The following CAPN3 variants were observed in gnomAD, a reference collection of about 807,000 sequenced individuals.
CAPN3 encodes calpain 3, also known as calpain-3.
A neutral mutation model predicts 114.0 loss-of-function variants in CAPN3; 88 were observed. The observed-to-expected ratio is 0.77, with a 90% confidence interval of 0.65 to 0.92. The LOEUF is 0.92. CAPN3 is among the 40% of genes least tolerant of loss of function. CAPN3 has a pLI of 0.00. For missense variants in CAPN3, 1,028 were observed against 1,069.0 expected (o/e 0.96, Z 0.53); for synonymous variants, 386 against 382.9 (o/e 1.01, Z -0.09).
At chr15:42,392,538 C>T in intron 6 of CAPN3, 101 bp from the exon 7 acceptor site, 1 of 893,736 alleles carries the variant, frequency 1.1e-6, no homozygotes, top group South Asian at 1.4e-5. Context: ...TGGTCTGTGT[C>T]TTCACAGAGC....
chr15:42,385,443 C>A (rs1413067798), intron 2 of CAPN3, among the ~76,000 whole-genome samples: 4 of 152,040 alleles, frequency 2.6e-5, no homozygotes, highest in African/African-American at 9.7e-5. Context: ...CCCCTGCACA[C>A]TCTCAGTTGC....
At position 42,404,040 on chromosome 15, in the gene CAPN3, C is replaced by CA. The variant is rs111814065; in HGVS notation, c.1782+263_1782+264insA. 5.1e-6 allele frequency: 3 copies of CA among 586,932 alleles called. No individual in the cohort carries two copies. In the African/African-American group the frequency reaches 5.5e-5, roughly 11 times the overall value. The allele number at this position is 586,932 out of a possible 1,614,324, so 36.4% of individuals were successfully genotyped here. On this transcript the variant is annotated intron_variant, in intron 14 of 23. Coordinates refer to ENST00000397163, the MANE Select transcript of CAPN3 (RefSeq NM_000070.3). Reference sequence around the variant, plus strand: ...GGAAAGGAGAAGCAATTTGAACAATCGGAGGGAACAAGGCCACAGGAAGGG... The same window carrying CA: ...GGAAAGGAGAAGCAATTTGAACAATCAGGAGGGAACAAGGCCACAGGAAGGG...
intron 9 of CAPN3, among the ~76,000 whole-genome samples, chr15:42,398,511 G>A (rs1164429605): frequency 6.6e-6 from 1 of 151,142 alleles, no homozygotes; most frequent in Non-Finnish European, 1.5e-5. Flanking sequence ...TTGACCTCAG[G>A]AGGTGGAGGT....
intron 15 of CAPN3, among the ~76,000 whole-genome samples, chr15:42,406,356 A>G (rs2054021586): frequency 1.3e-5 from 2 of 152,078 alleles, no homozygotes; most frequent in African/African-American, 4.8e-5. Flanking sequence ...ATCATACACC[A>G]TCAGATTTGG....
intron 1 of CAPN3, among the ~76,000 whole-genome samples, chr15:42,380,583 G>A (rs2141145209): frequency 6.8e-6 from 1 of 146,922 alleles, no homozygotes; most frequent in East Asian, 2.0e-4. Flanking sequence ...GTGTGTATGT[G>A]TGTATGTATA....
intron 16 of CAPN3, 115 bp from the exon 17 acceptor site, chr15:42,409,188 C>T (rs1031968722): frequency 1.1e-6 from 1 of 891,068 alleles, no homozygotes; most frequent in African/African-American, 1.6e-5. Context: ...TCCCCAGCTC[C>T]TGCTGCCACC....
At chr15:42,367,787 C>T (rs2052826396) in intron 1 of CAPN3, among the ~76,000 whole-genome samples, 1 of 152,148 alleles carries the variant, frequency 6.6e-6, no homozygotes. Context: ...GAAATAGAGT[C>T]AGCTGATTTT....
At position 42,410,660 on chromosome 15, in the gene CAPN3, G is replaced by A. The variant is rs146923842; in HGVS notation, c.2257G>A (p.Asp753Asn). The change falls in exon 21 of 24, where the codon GAC becomes AAC. Residue 753 changes from aspartate to asparagine, a missense_variant. Asp to Asn is a conservative substitution (Grantham distance 23). Transcript: ENST00000397163. ...NSYEMRNAVN[D>N]AGFHLNNQLY... ...CTACGAGATGCGAAATGCAGTCAAC[G>A]ACGCAGGTGCTGAGAAGGAAGGGGT... 1,472 of 1,613,422 alleles carry A rather than the reference G, an allele frequency of 9.1e-4. 2 individuals carry two copies. Among genetic ancestry groups the A allele is most frequent in the Middle Eastern group, 3.6e-3 (22 of 6,060 alleles).
intron 1 of CAPN3, among the ~76,000 whole-genome samples, chr15:42,363,216 A>AT: frequency 6.6e-6 from 1 of 152,176 alleles, no homozygotes; most frequent in Non-Finnish European, 1.5e-5. Context: ...TCATGCATTG[A>AT]GTTTCCAGGG....
Position 42,405,023 on chromosome 15 carries a change from A to G in CAPN3, c.1783-903A>G, listed in dbSNP as rs991507676. On this transcript the variant is annotated intron_variant, in intron 14 of 23. Coordinates refer to ENST00000397163, the MANE Select transcript of CAPN3 (RefSeq NM_000070.3). ...CTGACACAGTTGTCTGCAGTTCTCA[A>G]TTGACATTTCGCTCCAGTGTCGAGG... 5 of 987,164 alleles carry G rather than the reference A, an allele frequency of 5.1e-6. No homozygotes were observed. The African/African-American group carries it at 5.2e-5, about 10-fold the overall frequency. 61.2% of individuals were successfully genotyped at this position (987,164 alleles called of 1,614,324 possible). A position where few individuals can be genotyped will look rare whatever the true frequency, so the allele number is the denominator to read the frequency against.
chr15:42,387,399 G>A (rs547814919), intron 3 of CAPN3, among the ~76,000 whole-genome samples: 3 of 152,250 alleles, frequency 2.0e-5, no homozygotes, highest in Admixed American at 6.5e-5. Context: ...GAATCAGCTG[G>A]GGGCACCTGA....
chr15:42,384,757 A>G (rs914680267), intron 2 of CAPN3, among the ~76,000 whole-genome samples: 1 of 152,178 alleles, frequency 6.6e-6, no homozygotes, highest in Non-Finnish European at 1.5e-5. Flanking sequence ...GCACTCTGCC[A>G]TGCATCACAG....
chr15:42,385,637 G>A (rs747863060), intron 2 of CAPN3: 6 of 515,764 alleles, frequency 1.2e-5, no homozygotes, highest in Non-Finnish European at 1.9e-5. Context: ...AAAACGTCCC[G>A]AGCTCATTCC....
rs2053591114 is a variant in CAPN3, at chr15:42,392,697, C to T, written c.1004C>T (p.Ala335Val). Residue 335 changes from alanine to valine, a missense_variant, in exon 7 of 24, where the codon GCC becomes GTC. Ala to Val is a moderately conservative substitution (Grantham distance 64). Transcript: ENST00000397163. Reference sequence around the variant, plus strand: ...GCCTGCGGGCTGGTCAGAGGTCACGCCTACTCTGTCACGGGGCTGGATGAG... The same window carrying T: ...GCCTGCGGGCTGGTCAGAGGTCACGTCTACTCTGTCACGGGGCTGGATGAG... ...RMACGLVRGH[A>V]YSVTGLDEVP... 5 of 1,613,856 alleles carry T rather than the reference C, an allele frequency of 3.1e-6. No homozygotes were observed. Among genetic ancestry groups the T allele is most frequent in the African/African-American group, 1.3e-5 (1 of 74,920 alleles).
chr15:42,404,858 G>A, intron 14 of CAPN3: 1 of 1,070,692 alleles, frequency 9.3e-7, no homozygotes, highest in Non-Finnish European at 1.1e-6. Context: ...AGTGGTAGGT[G>A]TGTGGGGATC....
At position 42,390,040 on chromosome 15, in the gene CAPN3, T is replaced by C; in HGVS notation, c.889T>C (p.Ser297Pro). ...ACGGATGGTAAGGAATATGGATAAC[T>C]CACTGCTCCAGGACTCAGACCTCGA... ...IARMVRNMDN[S>P]LLQDSDLDPR... The change falls in exon 6 of 24, where the codon TCA becomes CCA. Residue 297 changes from serine to proline, a missense_variant. Transcript: ENST00000397163. The C allele has an allele frequency of 6.2e-7, 1 of 1,614,132 alleles. No individual in the cohort carries two copies. Among genetic ancestry groups the C allele is most frequent in the Non-Finnish European group, 8.5e-7 (1 of 1,180,016 alleles).
chr15:42,359,793 A>G lies in CAPN3; in HGVS notation c.-13A>G. 5.6e-6 allele frequency: 9 copies of G among 1,612,938 alleles called. No individual in the cohort carries two copies. Among genetic ancestry groups the G allele is most frequent in the Non-Finnish European group, 7.6e-6 (9 of 1,179,994 alleles). On this transcript the variant is annotated 5_prime_UTR_variant, in exon 1 of 24. Transcript: ENST00000397163. Reference sequence around the variant, plus strand: ...TTTTCTTTAAAAAGCTTTTTCTTCCAAAGCCACTTGCCATGCCGACCGTCA... The same window carrying G: ...TTTTCTTTAAAAAGCTTTTTCTTCCGAAGCCACTTGCCATGCCGACCGTCA...
At position 42,387,744 on chromosome 15, in the gene CAPN3, T is replaced by C; in HGVS notation, c.499-9T>C. On this transcript the variant is annotated splice_polypyrimidine_tract_variant and intron_variant, in intron 3 of 23. Coordinates refer to ENST00000397163, the MANE Select transcript of CAPN3 (RefSeq NM_000070.3). ...AGTATGTGACTCTGTGCGTGACGCT[T>C]CTGTGCAGTTCTGGCGCTATGGAGA... The C allele has an allele frequency of 6.2e-7, 1 of 1,614,174 alleles. No homozygotes were observed. The highest frequency in any genetic ancestry group is 8.5e-7 in the Non-Finnish European group (1 of 1,180,004).
chr15:42,404,843 G>T, intron 14 of CAPN3: 4 of 1,072,268 alleles, frequency 3.7e-6, no homozygotes, highest in Non-Finnish European at 4.5e-6. Flanking sequence ...CAGGCGATTG[G>T]TTTTAGTGGT....
Sources: gnomAD v4.1 joint callset for allele counts (sites outside exome capture counted in the v4.1 genomes callset) on GRCh38, gnomAD v4.1.1 for gene constraint, MANE v1.5 for transcripts, NCBI Gene and HGNC (gene_info 2026-07-23, HGNC 2026-07-21) for gene names.